The following LIPA variants were observed in gnomAD, a reference collection of about 807,000 sequenced individuals.
LIPA encodes the protein lysosomal acid lipase/cholesteryl ester hydrolase.
In LIPA, 26 loss-of-function variants were observed where a neutral mutation model predicts 40.6. The ratio of observed to expected loss-of-function variants is 0.64; its 90% CI spans 0.47 to 0.89. The LOEUF is 0.89. Ranked by LOEUF, LIPA falls within the 40% of genes least tolerant of loss-of-function variation. LIPA has a pLI of 0.00. For synonymous variants in LIPA, 188 were observed against 168.4 expected (o/e 1.12, Z -0.90); for missense variants, 455 against 479.6 (o/e 0.95, Z 0.48).
At chr10:89,320,794 A>T (rs1310807307) in intron 1 of LIPA, among the ~76,000 whole-genome samples, 310 of 152,294 alleles carry the variant, frequency 2.0e-3, no homozygotes, top group Non-Finnish European at 3.1e-3. Flanking sequence ...AGCTGGAGCC[A>T]TCACACTACC....
At chr10:89,347,047 C>T (rs1217727321), upstream of LIPA, among the ~76,000 whole-genome samples, 1 of 152,172 alleles carries the variant, frequency 6.6e-6, no homozygotes, top group Non-Finnish European at 1.5e-5. Flanking sequence ...AAGACTACCC[C>T]TAGATTTGAT....
Position 89,395,051 on chromosome 10 carries a change from T to G in LIPA, c.61+17740A>C, listed in dbSNP as rs78471890. 0.02 allele frequency among the ~76,000 whole-genome samples: 3,095 copies of G among 152,332 alleles called. 281 individuals carry two copies. In the East Asian group the frequency reaches 0.26, roughly 13 times the overall value. On this transcript the variant is annotated intron_variant, in intron 2 of 8. Coordinates refer to the LIPA transcript ENST00000371837. Reference sequence around the variant, plus strand: ...GGGCTCAGTCACCCTTGAGACAATTTCTAGTTCTCCACCTTTTTCCAGTTC... The same window carrying G: ...GGGCTCAGTCACCCTTGAGACAATTGCTAGTTCTCCACCTTTTTCCAGTTC...
intron 1 of LIPA, chr10:89,328,215 T>C: frequency 1.1e-6 from 1 of 933,584 alleles, no homozygotes; most frequent in East Asian, 2.7e-5. Flanking sequence ...TGAGCATTTG[T>C]AAGATGTTTG....
intron 2 of LIPA, among the ~76,000 whole-genome samples, chr10:89,246,310 T>C (rs1418399425): frequency 2.0e-5 from 3 of 152,208 alleles, no homozygotes; most frequent in Non-Finnish European, 4.4e-5. Flanking sequence ...ATGGTCACAT[T>C]CACTTTTCTA....
intron 2 of LIPA, among the ~76,000 whole-genome samples, chr10:89,367,565 T>C (rs937204573): frequency 6.6e-6 from 1 of 152,218 alleles, no homozygotes; most frequent in African/African-American, 2.4e-5. Context: ...AGAAGTTAGA[T>C]GGCATTATTT....
intron 1 of LIPA, among the ~76,000 whole-genome samples, chr10:89,275,285 C>A (rs1043835443): frequency 2.0e-5 from 3 of 152,232 alleles, no homozygotes; most frequent in African/African-American, 7.2e-5. Context: ...TGCAACTACT[C>A]CAACTTCCCC....
At chr10:89,249,505 A>T (rs151330892) in intron 1 of LIPA, among the ~76,000 whole-genome samples, 1 of 152,356 alleles carries the variant, frequency 6.6e-6, no homozygotes, top group Non-Finnish European at 1.5e-5. Context: ...GAAAAACCCA[A>T]ATGCTTTAAA....
intron 2 of LIPA, chr10:89,406,275 C>A (rs890472167): frequency 6.6e-6 from 1 of 152,202 alleles, no homozygotes; most frequent in African/African-American, 2.4e-5. Context: ...ACTTTTCTGT[C>A]TAGCTAAAGT....
intron 1 of LIPA, among the ~76,000 whole-genome samples, chr10:89,287,347 G>A (rs1364699207): frequency 6.6e-6 from 1 of 152,090 alleles, no homozygotes; most frequent in Non-Finnish European, 1.5e-5. Flanking sequence ...GGTATTGACG[G>A]CCAGGCTTCT....
In LIPA at chr10:89,245,775, A is replaced by C. The variant is rs761616814; in HGVS notation, c.130T>G (p.Trp44Gly). The C allele has an allele frequency of 5.1e-6, 8 of 1,572,310 alleles. No homozygotes were observed. The Admixed American group carries it at 1.2e-4, about 23-fold the overall frequency. Residue 44 changes from tryptophan to glycine, a missense_variant, in exon 3 of 10, where the codon TGG becomes GGG. Coordinates refer to ENST00000336233, the MANE Select transcript of LIPA (RefSeq NM_000235.4). ...AGGTATTCCTCACTAGGGAATCCCC[A>C]GTAAGAGATAATTTCACTCTGTAGA... Reference protein sequence around the residue: ...NMNVSEIISYWGFPSEEYLVE... With the variant: ...NMNVSEIISYGGFPSEEYLVE...
intron 1 of LIPA, among the ~76,000 whole-genome samples, chr10:89,249,585 T>C (rs376833180): frequency 7.2e-5 from 11 of 151,756 alleles, no homozygotes; most frequent in South Asian, 4.1e-4. Context: ...CAAAAAAATA[T>C]AGATTAATCT....
intron 1 of LIPA, chr10:89,340,164 G>T: frequency 6.5e-7 from 1 of 1,535,860 alleles, no homozygotes; most frequent in Non-Finnish European, 8.7e-7. Flanking sequence ...GAAGCCTGCA[G>T]TGGTGGTTGT....
intron 1 of LIPA, among the ~76,000 whole-genome samples, chr10:89,290,322 A>G (rs1227123178): frequency 1.3e-5 from 2 of 152,146 alleles, no homozygotes; most frequent in African/African-American, 4.8e-5. Flanking sequence ...GCTCCTTCTA[A>G]CAACCCCACA....
intron 2 of LIPA, among the ~76,000 whole-genome samples, chr10:89,361,262 G>A (rs1490301121): frequency 6.6e-6 from 1 of 152,134 alleles, no homozygotes; most frequent in Non-Finnish European, 1.5e-5. Context: ...TTGGCATGTT[G>A]ATGACTCTAA....
chr10:89,350,127 T>C (rs1422968489), intron 2 of LIPA, among the ~76,000 whole-genome samples: 2 of 152,160 alleles, frequency 1.3e-5, no homozygotes, highest in African/African-American at 4.8e-5. Context: ...AAATGTATTG[T>C]TATTTTGTTA....
intron 1 of LIPA, among the ~76,000 whole-genome samples, chr10:89,334,478 C>CTTTTTTTTTTTTTTTTTTT (rs578154457): frequency 4.3e-4 from 11 of 25,338 alleles, no homozygotes; most frequent in East Asian, 1.1e-3. Flanking sequence ...TTCTTTTATT[C>CTTTTTTTTTTTTTTTTTTT]TTTTTTTTTT....
intron 1 of LIPA, among the ~76,000 whole-genome samples, chr10:89,275,679 T>C (rs1467453213): frequency 1.3e-5 from 2 of 152,224 alleles, no homozygotes; most frequent in Non-Finnish European, 2.9e-5. Flanking sequence ...ATCAGAGATA[T>C]CGAGTGAAAC....
chr10:89,310,346 A>G (rs781762989), intron 1 of LIPA, among the ~76,000 whole-genome samples: 3 of 152,102 alleles, frequency 2.0e-5, no homozygotes, highest in Non-Finnish European at 4.4e-5. Context: ...GACATATCCA[A>G]TACAACTGGA....
rs1843044628 is a variant in LIPA at position 89,247,588 on chromosome 10, C to T, written c.61G>A (p.Gly21Arg). The T allele has an allele frequency of 6.2e-7, 1 of 1,613,358 alleles. No homozygotes were observed. The highest frequency in any genetic ancestry group is 1.3e-5 in the African/African-American group (1 of 74,814). The stretch of plus-strand genomic sequence containing the variant: ...ACAGCTGTCAGTTTCCCTCCAGACC[C>T]CTCAGAATGCAGGGTCCAGAGAACC... The part of the protein sequence containing the change: ...CLVLWTLHSE[G>R]SGGKLTAVDP... The change falls in exon 2 of 10, where the codon GGG becomes AGG. Residue 21 changes from glycine (G) to arginine (R), a missense_variant. Coordinates refer to ENST00000336233, the MANE Select transcript of LIPA (RefSeq NM_000235.4).
Sources: allele counts gnomAD v4.1 joint callset (sites outside exome capture counted in the v4.1 genomes callset), GRCh38; gene constraint gnomAD v4.1.1; transcripts MANE v1.5; gene names NCBI Gene and HGNC (gene_info 2026-07-23, HGNC 2026-07-21).